Variants in CELF4 observed in about 807,000 individuals in gnomAD.
The protein encoded by CELF4 is CUG-BP- and ETR-3-like factor 4.
Under a neutral mutation model 59.9 loss-of-function variants are expected in CELF4, and 18 were observed. That is an observed-to-expected ratio of 0.30 (90% CI 0.21 to 0.45). CELF4 has a LOEUF of 0.45. Among genes scored for constraint, CELF4 ranks in the 20% least tolerant of loss-of-function variants. CELF4 has a pLI of 1.00. For missense variants in CELF4, 456 were observed against 689.0 expected (o/e 0.66, Z 3.79); for synonymous variants, 261 against 267.1 (o/e 0.98, Z 0.22).
intron 2 of CELF4, among the ~76,000 whole-genome samples, chr18:37,445,550 C>T (rs2099745785): frequency 6.6e-6 from 1 of 151,614 alleles, no homozygotes; most frequent in Non-Finnish European, 1.5e-5. Flanking sequence ...GTTACAAGGA[C>T]ACAATGATTA....
intron 1 of CELF4, among the ~76,000 whole-genome samples, chr18:37,493,037 T>A (rs1356982657): frequency 6.6e-6 from 1 of 152,182 alleles, no homozygotes; most frequent in Admixed American, 6.5e-5. Context: ...CTTCCCTCTC[T>A]CTTCCCACTC....
chr18:37,457,260 G>A (rs964602764), intron 2 of CELF4, among the ~76,000 whole-genome samples: 2 of 152,170 alleles, frequency 1.3e-5, no homozygotes, highest in Non-Finnish European at 2.9e-5. Context: ...GGCTGATCGT[G>A]GCCCCTCGCT....
chr18:37,355,742 A>G (rs1827151063), intron 2 of CELF4, among the ~76,000 whole-genome samples: 1 of 152,174 alleles, frequency 6.6e-6, no homozygotes, highest in Non-Finnish European at 1.5e-5. Flanking sequence ...TGCCATGATG[A>G]AGAGTGGGTG....
intron 2 of CELF4, among the ~76,000 whole-genome samples, chr18:37,404,880 C>T (rs2099364947): frequency 6.6e-6 from 1 of 152,230 alleles, no homozygotes. Context: ...CTGCCCATCC[C>T]TTGTCGCATG....
intron 2 of CELF4, among the ~76,000 whole-genome samples, chr18:37,334,368 C>A (rs531162918): frequency 1.3e-5 from 2 of 152,268 alleles, no homozygotes; most frequent in Admixed American, 6.5e-5. Context: ...GGTTTCTGGG[C>A]CTGTCACCCT....
rs149598840 is a variant in CELF4, at chr18:37,408,599, G to A, written c.369+76926C>T. ...CACACTTCACTTTATGATTCTTCCCGTTTCCTAGAATTGGAGGCAGAGTTG... is the reference window on the plus strand; with the variant it reads ...CACACTTCACTTTATGATTCTTCCCATTTCCTAGAATTGGAGGCAGAGTTG... On this transcript the variant is annotated intron_variant, in intron 2 of 12. Coordinates refer to ENST00000420428, the MANE Select transcript of CELF4 (RefSeq NM_020180.4). 2.3e-3 allele frequency among the ~76,000 whole-genome samples: 343 copies of A among 151,228 alleles called. 3 individuals are homozygous for A. The highest frequency in any genetic ancestry group is 7.6e-3 in the African/African-American group (314 of 41,168).
intron 3 of CELF4, among the ~76,000 whole-genome samples, chr18:37,301,761 C>T (rs539168570): frequency 6.6e-6 from 1 of 152,340 alleles, no homozygotes; most frequent in Admixed American, 6.5e-5. Flanking sequence ...CCTCACTCGG[C>T]TAATGGCTCA....
chr18:37,480,273 T>A (rs1349131420), intron 2 of CELF4, among the ~76,000 whole-genome samples: 1 of 152,178 alleles, frequency 6.6e-6, no homozygotes, highest in Admixed American at 6.5e-5. Context: ...ATGCAGGTGC[T>A]GATGGGACCC....
intron 3 of CELF4, among the ~76,000 whole-genome samples, chr18:37,301,966 C>T (rs560130713): frequency 9.2e-5 from 14 of 152,308 alleles, no homozygotes; most frequent in African/African-American, 3.1e-4. Flanking sequence ...CCAGACCTCC[C>T]GCCTGCTCTG....
At chr18:37,446,196 T>TGCAG (rs1316738889) in intron 2 of CELF4, among the ~76,000 whole-genome samples, 1 of 152,186 alleles carries the variant, frequency 6.6e-6, no homozygotes, top group African/African-American at 2.4e-5. Flanking sequence ...GAGGAGGGTC[T>TGCAG]GCAGACTGCA....
In CELF4 at chr18:37,433,109, T is replaced by C. The variant is rs181995175; in HGVS notation, c.369+52416A>G. On this transcript the variant is annotated intron_variant, in intron 2 of 12. Transcript: ENST00000420428. ...GGAAAGTGTGGCTAGGATGTGCCCATGAGTGGGGTGCTGCCCCGTTCACCT... is the reference window on the plus strand; with the variant it reads ...GGAAAGTGTGGCTAGGATGTGCCCACGAGTGGGGTGCTGCCCCGTTCACCT... 5.3e-5 allele frequency among the ~76,000 whole-genome samples: 8 copies of C among 152,276 alleles called. No homozygotes were observed. The East Asian group carries it at 1.5e-3, about 29-fold the overall frequency.
At chr18:37,479,649 T>G (rs1271467046) in intron 2 of CELF4, among the ~76,000 whole-genome samples, 3 of 152,146 alleles carry the variant, frequency 2.0e-5, no homozygotes, top group Non-Finnish European at 2.9e-5. Flanking sequence ...GAGGAAAGGC[T>G]GGGCGACCCC....
At chr18:37,453,442 C>T (rs1334662757) in intron 2 of CELF4, among the ~76,000 whole-genome samples, 1 of 152,232 alleles carries the variant, frequency 6.6e-6, no homozygotes, top group Non-Finnish European at 1.5e-5. Context: ...ATTATGAGTA[C>T]TGACCGTGTG....
At chr18:37,404,096 A>T (rs984564641) in intron 2 of CELF4, among the ~76,000 whole-genome samples, 2 of 152,184 alleles carry the variant, frequency 1.3e-5, no homozygotes, top group Non-Finnish European at 1.5e-5. Context: ...AGGCCTTCAC[A>T]TGCCTTGTCA....
At chr18:37,336,306 C>G (rs2097769035) in intron 2 of CELF4, among the ~76,000 whole-genome samples, 2 of 152,212 alleles carry the variant, frequency 1.3e-5, no homozygotes, top group Non-Finnish European at 2.9e-5. Context: ...GCCTCAGCCT[C>G]CCAAGTAGCT....
chr18:37,310,564 GATC>G (rs2096608046), intron 3 of CELF4, among the ~76,000 whole-genome samples: 2 of 152,250 alleles, frequency 1.3e-5, no homozygotes, highest in South Asian at 2.1e-4. Flanking sequence ...TCCGTGCTCA[GATC>G]CTCCTCCCCT....
chr18:37,518,657 C>T (rs914618017), intron 1 of CELF4, among the ~76,000 whole-genome samples: 2 of 152,116 alleles, frequency 1.3e-5, no homozygotes, highest in African/African-American at 2.4e-5. Context: ...GAGCACCCTC[C>T]CATCCCCAAG....
At chr18:37,536,441 A>G (rs1196740534) in intron 1 of CELF4, among the ~76,000 whole-genome samples, 3 of 152,134 alleles carry the variant, frequency 2.0e-5, no homozygotes, top group Non-Finnish European at 4.4e-5. Flanking sequence ...CCTAAAAGGG[A>G]ACTTCCTGAG....
At chr18:37,485,231 C>CGGGCCCGGCGGAGGCAGCTCCCGCTCCGG (rs2099878330) in intron 2 of CELF4, among the ~76,000 whole-genome samples, 1 of 151,912 alleles carries the variant, frequency 6.6e-6, no homozygotes. Flanking sequence ...ACGCGGCCCG[C>CGGGCCCGGCGGAGGCAGCTCCCGCTCCGG]GGGCCCGGCG....
Sources: gnomAD v4.1 joint callset for allele counts (sites outside exome capture counted in the v4.1 genomes callset) on GRCh38, gnomAD v4.1.1 for gene constraint, MANE v1.5 for transcripts, NCBI Gene and HGNC (gene_info 2026-07-23, HGNC 2026-07-21) for gene names.